Variants in SLC22A2 observed in about 807,000 individuals in gnomAD.
SLC22A2 encodes the protein organic cation transporter 2.
Under a neutral mutation model 60.5 loss-of-function variants are expected in SLC22A2, and 46 were observed. That is an observed-to-expected ratio of 0.76 (90% CI 0.60 to 0.97). The LOEUF (loss-of-function observed/expected upper bound fraction) is 0.97, where lower values mean the gene tolerates loss of function less well. SLC22A2 is among the 50% of genes least tolerant of loss of function. The probability of loss-of-function intolerance (pLI) is 0.00; values close to 1 mark genes in which losing one functional copy is unlikely to be tolerated. For synonymous variants in SLC22A2, 303 were observed against 267.0 expected (o/e 1.13, Z -1.31); for missense variants, 701 against 706.6 (o/e 0.99, Z 0.09).
rs2114875012 is a variant in SLC22A2, at chr6:160,258,392, G to T, written c.366C>A (p.Cys122Ter). 3.1e-6 allele frequency: 5 copies of T among 1,613,832 alleles called. No individual in the cohort carries two copies. The African/African-American group carries it at 5.3e-5, about 17-fold the overall frequency. ...TNRSRLPLGP[C>*]RDGWVYETPG... ...GCGTCTCGTACACCCAGCCGTCCCG[G>T]CAGGGGCCCAGTGGCAGGCGGCTCC... Residue 122 changes from cysteine (C) to a stop codon, truncating the protein, a stop_gained, in exon 1 of 11, where the codon TGC becomes TGA. Transcript: ENST00000366953. LOFTEE classifies it high-confidence loss of function.
rs766844924 is a variant in SLC22A2 at position 160,245,544 on chromosome 6, C to A, written c.959G>T (p.Arg320Leu). Residue 320 changes from arginine (R) to leucine (L), a missense_variant and splice_region_variant, in exon 6 of 11, where the codon CGC becomes CTC. Transcript: ENST00000366953. ...NGKSLPASLQ[R>L]LRLEEETGKK... ...GCCAGTTTCCTCTTCAAGTCTCAGG[C>A]GCTAAGAAAAGGAATAGAAAGGACG... The A allele has an allele frequency of 1.9e-6, 3 of 1,603,132 alleles. No homozygotes were observed. Among genetic ancestry groups the A allele is most frequent in the African/African-American group, 2.7e-5 (2 of 74,546 alleles).
In SLC22A2 at chr6:160,258,624, A is replaced by G. The variant is rs1783320756; in HGVS notation, c.134T>C (p.Phe45Ser). ...PIYVGIVFLG[F>S]TPDHRCRSPG... ...GCTCCGGCAGCGGTGGTCAGGGGTGAAGCCCAGGAAGACGATGCCCACGTA... is the reference window on the plus strand; with the variant it reads ...GCTCCGGCAGCGGTGGTCAGGGGTGGAGCCCAGGAAGACGATGCCCACGTA... Residue 45 changes from phenylalanine to serine, a missense_variant, in exon 1 of 11, where the codon TTC (phenylalanine) becomes TCC (serine). Phe to Ser is a radical substitution (Grantham distance 155, BLOSUM62 -2). Transcript: ENST00000366953. 8.7e-6 allele frequency: 14 copies of G among 1,613,840 alleles called. No individual in the cohort carries two copies. Among genetic ancestry groups the G allele is most frequent in the Non-Finnish European group, 1.2e-5 (14 of 1,179,956 alleles).
rs3127594 is a variant in SLC22A2, at chr6:160,217,072, T to A, written c.*360A>T. The A allele has an allele frequency of 0.12, 20,795 of 174,332 alleles. 1,401 individuals carry two copies. Among genetic ancestry groups the A allele is most frequent in the African/African-American group, 0.16 (6,926 of 42,478 alleles). The allele number at this position is 174,332 out of a possible 1,614,324, so 10.8% of individuals were successfully genotyped here. ...CTCCCAACTTTACTGTTTTTCACAC[T>A]TTTTTCTATTTTGTTTGCCTAGCCC... On this transcript the variant is annotated 3_prime_UTR_variant, in exon 11 of 11. Coordinates refer to ENST00000366953, the MANE Select transcript of SLC22A2 (RefSeq NM_003058.4).
At chr6:160,226,336 T>C (rs889202684) in intron 9 of SLC22A2, among the ~76,000 whole-genome samples, 5 of 152,174 alleles carry the variant, frequency 3.3e-5, no homozygotes, top group Admixed American at 6.5e-5. Flanking sequence ...TGAGTAATAA[T>C]AAAACTCCAG....
chr6:160,218,673 T>A (rs376291782), intron 10 of SLC22A2, among the ~76,000 whole-genome samples: 1 of 554 alleles, frequency 1.8e-3, no homozygotes, highest in Non-Finnish European at 3.7e-3. Context: ...GTAATAGCAA[T>A]AGTAACAGTA....
rs577399210 is a variant in SLC22A2, at chr6:160,231,905, C to G, written c.1502-7101G>C. Among the ~76,000 whole-genome samples, 10 of 152,034 alleles carry G rather than the reference C, an allele frequency of 6.6e-5. No individual in the cohort carries two copies. The East Asian group carries it at 1.4e-3, about 21-fold the overall frequency. On this transcript the variant is annotated intron_variant, in intron 9 of 10. Transcript: ENST00000366953. Reference sequence around the variant, plus strand: ...GGGCTGTGTGGTCGGAATTCTTATACAAGGACCAGGACTGCGCCCTGTAGC... The same window carrying G: ...GGGCTGTGTGGTCGGAATTCTTATAGAAGGACCAGGACTGCGCCCTGTAGC...
chr6:160,252,308 T>C (rs1342627452), intron 2 of SLC22A2, among the ~76,000 whole-genome samples: 2 of 152,156 alleles, frequency 1.3e-5, no homozygotes, highest in Non-Finnish European at 2.9e-5. Context: ...AGGCACACAG[T>C]AGAACACCAC....
At chr6:160,220,166 T>G (rs1724570513) in intron 10 of SLC22A2, among the ~76,000 whole-genome samples, 1 of 152,258 alleles carries the variant, frequency 6.6e-6, no homozygotes, top group African/African-American at 2.4e-5. Context: ...GCTGTTTTGT[T>G]AACTAAGTTT....
chr6:160,224,716 T>C lies in SLC22A2; in HGVS notation c.1590A>G (p.Glu530=). The C allele has an allele frequency of 6.2e-7, 1 of 1,604,866 alleles. No individual in the cohort carries two copies. The highest frequency in any genetic ancestry group is 8.5e-7 in the Non-Finnish European group (1 of 1,174,684). ...KALPETIEEA[E]NMQRPRKNKE... ...TTTCAACTGCCTACCTTTGCATATT[T>C]TCGGCTTCCTCGATGGTCTCAGGCA... Residue 530 remains glutamate, a synonymous_variant, in exon 10 of 11, where the codon GAA becomes GAG. Transcript: ENST00000366953.
chr6:160,230,553 C>G (rs564731839), intron 9 of SLC22A2, among the ~76,000 whole-genome samples: 2 of 152,060 alleles, frequency 1.3e-5, no homozygotes, highest in East Asian at 3.9e-4. Flanking sequence ...AATTCCAGCC[C>G]TCAAACCCCA....
At chr6:160,221,862 T>A (rs1782649083) in intron 10 of SLC22A2, among the ~76,000 whole-genome samples, 1 of 152,148 alleles carries the variant, frequency 6.6e-6, no homozygotes, top group Non-Finnish European at 1.5e-5. Context: ...CCATCACAGA[T>A]ATGATAATAA....
chr6:160,251,554 G>T (rs1193553240), intron 2 of SLC22A2, among the ~76,000 whole-genome samples: 3 of 152,116 alleles, frequency 2.0e-5, no homozygotes, highest in African/African-American at 7.2e-5. Flanking sequence ...ACCTGGCTCA[G>T]CTCAGAGAGT....
Position 160,234,142 on chromosome 6 carries a change from G to A in SLC22A2, c.1501+7332C>T, listed in dbSNP as rs1217640953. 4.0e-5 allele frequency among the ~76,000 whole-genome samples: 6 copies of A among 151,774 alleles called. No homozygotes were observed. In the East Asian group the frequency reaches 5.8e-4, roughly 15 times the overall value. On this transcript the variant is annotated intron_variant, in intron 9 of 10. Transcript: ENST00000366953. ...ATTGTGACCCCCGCCCCTGCCTGCC[G>A]AGAACTACCCACTTTGACTGTAATT...
At chr6:160,233,498 C>G (rs1396423828) in intron 9 of SLC22A2, among the ~76,000 whole-genome samples, 1 of 151,886 alleles carries the variant, frequency 6.6e-6, no homozygotes, top group Admixed American at 6.6e-5. Context: ...AAAAAAAGGA[C>G]TCTGTCAAGA....
In SLC22A2 at chr6:160,247,260, T is replaced by G; in HGVS notation, c.881A>C (p.Asn294Thr). 6.2e-7 allele frequency: 1 copy of G among 1,613,632 alleles called. No homozygotes were observed. The highest frequency in any genetic ancestry group is 8.5e-7 in the Non-Finnish European group (1 of 1,179,540). ...GATTCTCATGGCTTCAGCATTCTTA[T>G]TCTGGGAGATCAGCCACCTGGGAGA... Reference protein sequence around the residue: ...PESPRWLISQNKNAEAMRIIK... With the variant: ...PESPRWLISQTKNAEAMRIIK... Residue 294 changes from asparagine (N) to threonine (T), a missense_variant, in exon 5 of 11, where the codon AAT becomes ACT. By Grantham distance (65) the Asn-to-Thr change is moderately conservative. Transcript: ENST00000366953.
intron 5 of SLC22A2, among the ~76,000 whole-genome samples, chr6:160,246,700 T>C (rs1783100761): frequency 6.6e-6 from 1 of 152,170 alleles, no homozygotes; most frequent in African/African-American, 2.4e-5. Context: ...TGAGCCGAGA[T>C]TGTGCCACTG....
intron 2 of SLC22A2, among the ~76,000 whole-genome samples, chr6:160,254,291 A>T (rs1285246507): frequency 6.6e-6 from 1 of 152,206 alleles, no homozygotes; most frequent in East Asian, 1.9e-4. Flanking sequence ...AAATAAAAAA[A>T]ATAAAAAATA....
At chr6:160,220,475 A>G (rs1428789185) in intron 10 of SLC22A2, among the ~76,000 whole-genome samples, 1 of 152,192 alleles carries the variant, frequency 6.6e-6, no homozygotes, top group East Asian at 1.9e-4. Flanking sequence ...ATTAACGTTC[A>G]TATTTTGACC....
At chr6:160,257,063 G>T (rs1583402968) in intron 1 of SLC22A2, among the ~76,000 whole-genome samples, 1 of 152,256 alleles carries the variant, frequency 6.6e-6, no homozygotes, top group African/African-American at 2.4e-5. Context: ...ACTGTGCCCA[G>T]CCTCAGTTTT....
Sources: allele counts gnomAD v4.1 joint callset (sites outside exome capture counted in the v4.1 genomes callset), GRCh38; gene constraint gnomAD v4.1.1; transcripts MANE v1.5; gene names NCBI Gene and HGNC (gene_info 2026-07-23, HGNC 2026-07-21).